The following DNAJB1 variants were observed in gnomAD, a reference collection of about 807,000 sequenced individuals.
DNAJB1 encodes dnaJ homolog subfamily B member 1.
Under a neutral mutation model 24.0 loss-of-function variants are expected in DNAJB1, and 14 were observed. The ratio of observed to expected loss-of-function variants is 0.58; its 90% confidence interval spans 0.39 to 0.91. The LOEUF is 0.91. Among genes scored for constraint, DNAJB1 ranks in the 40% least tolerant of loss-of-function variants. The pLI is 0.00. For missense variants in DNAJB1, 517 were observed against 458.1 expected (o/e 1.13, Z -1.17); for synonymous variants, 262 against 174.4 (o/e 1.50, Z -3.96).
At chr19:14,535,265 TGGGAGGCCGA>T (rs945194492) in intron 1 of DNAJB1, among the ~76,000 whole-genome samples, 2 of 151,384 alleles carry the variant, frequency 1.3e-5, no homozygotes, top group African/African-American at 4.9e-5. Flanking sequence ...CCCAGCACTT[TGGGAGGCCGA>T]GGTGGGTGAA....
intron 1 of DNAJB1, among the ~76,000 whole-genome samples, chr19:14,537,494 G>A (rs1450520498): frequency 6.6e-6 from 1 of 152,106 alleles, no homozygotes; most frequent in Admixed American, 6.6e-5. Flanking sequence ...TGCTTGGAAA[G>A]GCCTTGCGAC....
chr19:14,551,500 C>G (rs1003743691), upstream of DNAJB1, among the ~76,000 whole-genome samples: 1 of 152,166 alleles, frequency 6.6e-6, no homozygotes, highest in African/African-American at 2.4e-5. Context: ...GTTGGAGAAG[C>G]AGACAGGCAA....
chr19:14,524,427 G>A (rs932115705), intron 2 of DNAJB1, among the ~76,000 whole-genome samples: 6 of 152,130 alleles, frequency 3.9e-5, no homozygotes, highest in Admixed American at 6.6e-5. Context: ...GGAGGCTGAG[G>A]TGGGAGGATC....
chr19:14,543,401 ATATATATATATATATATATTTTTTTTTT>A (rs1398415920), intron 1 of DNAJB1, among the ~76,000 whole-genome samples: 79 of 7,450 alleles, frequency 0.011, no homozygotes, highest in African/African-American at 0.03. Context: ...ATATATATAT[ATATATATATATATATATATTTTTTTTTT>A]TTTTTTTTTT....
upstream of DNAJB1, chr19:14,530,138 C>G: frequency 4.4e-6 from 1 of 226,670 alleles, no homozygotes; most frequent in South Asian, 5.3e-5. Flanking sequence ...TTGTGTACGA[C>G]CTTTGGACCC....
chr19:14,550,081 T>C (rs1254062497), intron 1 of DNAJB1, among the ~76,000 whole-genome samples: 1 of 152,100 alleles, frequency 6.6e-6, no homozygotes, highest in East Asian at 1.9e-4. Flanking sequence ...TCATTGTCAC[T>C]CTTTCTTTGC....
At chr19:14,550,136 T>G (rs962505161) in intron 1 of DNAJB1, among the ~76,000 whole-genome samples, 3 of 152,018 alleles carry the variant, frequency 2.0e-5, no homozygotes, top group Non-Finnish European at 4.4e-5. Flanking sequence ...TCTCTCCTTC[T>G]ATAGCTGAAC....
In DNAJB1 at chr19:14,515,921, C is replaced by G; in HGVS notation, c.*19G>C. ...AGCTCTGGAAAGGTCCCTGGTCAGT[C>G]CTTGGGGAGCTCAGATAGCTATATT... On this transcript the variant is annotated 3_prime_UTR_variant, in exon 3 of 3. Coordinates refer to ENST00000254322, the MANE Select transcript of DNAJB1 (RefSeq NM_006145.3). 6.2e-7 allele frequency: 1 copy of G among 1,606,630 alleles called. No homozygotes were observed. The highest frequency in any genetic ancestry group is 8.5e-7 in the Non-Finnish European group (1 of 1,178,006).
chr19:14,533,264 T>C (rs1356909952), upstream of DNAJB1, among the ~76,000 whole-genome samples: 2 of 151,178 alleles, frequency 1.3e-5, no homozygotes, highest in Admixed American at 6.6e-5. Context: ...CTACAAAAAA[T>C]AAAAAATTAG....
Position 14,516,809 on chromosome 19 carries a change from C to A in DNAJB1, c.449G>T (p.Arg150Leu), listed in dbSNP as rs142178968. ...GFTNVNFGRSRSAQEPARKKQ... is the reference protein window; with the variant it reads ...GFTNVNFGRSLSAQEPARKKQ... ...CTTTCGGGCGGGCTCTTGGGCAGAG[C>A]GGGAGCGGCCAAAGTTCACGTTGGT... Residue 150 changes from arginine (R) to leucine (L), a missense_variant, in exon 2 of 3, where the codon CGC becomes CTC. Transcript: ENST00000254322. The A allele has an allele frequency of 6.2e-7, 1 of 1,613,596 alleles. No homozygotes were observed. The highest frequency in any genetic ancestry group is 1.3e-5 in the African/African-American group (1 of 74,884).
chr19:14,534,235 C>G (rs1275315417), upstream of DNAJB1, among the ~76,000 whole-genome samples: 2 of 151,674 alleles, frequency 1.3e-5, no homozygotes, highest in Non-Finnish European at 2.9e-5. Context: ...CGCCATTCTC[C>G]TGCCTCAGCC....
At chr19:14,518,568 G>A (rs1254089343), upstream of DNAJB1, 4 of 357,498 alleles carry the variant, frequency 1.1e-5, no homozygotes, top group Admixed American at 5.0e-5. Context: ...ACGGCCGCCC[G>A]CGCGGGGCCA....
chr19:14,516,043 G>A lies in DNAJB1; in HGVS notation c.920C>T (p.Thr307Ile). The A allele has an allele frequency of 6.2e-7, 1 of 1,613,236 alleles. No homozygotes were observed. The highest frequency in any genetic ancestry group is 8.5e-7 in the Non-Finnish European group (1 of 1,179,724). The change falls in exon 3 of 3, where the codon ACA (threonine) becomes ATA (isoleucine). Residue 307 changes from threonine to isoleucine, a missense_variant. By Grantham distance (89) the Thr-to-Ile change is moderately conservative. Coordinates refer to ENST00000254322, the MANE Select transcript of DNAJB1 (RefSeq NM_006145.3). ...AATGAGGTCCCCACGTTTCTCGGGT[G>A]TTTTGGGGAGGGGGAGGCCTTCTCC... ...VPGEGLPLPK[T>I]PEKRGDLIIE... is the part of the protein sequence containing the mutation.
At chr19:14,522,143 C>T (rs979683754), upstream of DNAJB1, among the ~76,000 whole-genome samples, 11 of 152,126 alleles carry the variant, frequency 7.2e-5, no homozygotes, top group Admixed American at 5.2e-4. Context: ...GTTGTGTCAG[C>T]GTGGCTAAGC....
At chr19:14,540,655 G>A (rs936359099) in intron 1 of DNAJB1, among the ~76,000 whole-genome samples, 1 of 151,972 alleles carries the variant, frequency 6.6e-6, no homozygotes, top group African/African-American at 2.4e-5. Context: ...GCCTCCCAAA[G>A]TGCTGGGATT....
chr19:14,529,201 G>A, intron 1 of DNAJB1: 1 of 240,964 alleles, frequency 4.2e-6, no homozygotes, highest in Non-Finnish European at 8.6e-6. Flanking sequence ...TACCCCGGGG[G>A]CCGCCCACCT....
upstream of DNAJB1, chr19:14,529,780 CG>C: frequency 1.2e-6 from 2 of 1,607,190 alleles, no homozygotes; most frequent in Non-Finnish European, 1.7e-6. Context: ...TGCGGGACCA[CG>C]GGACCCCACT....
rs563137112 is a variant in DNAJB1 at position 14,545,870 on chromosome 19, A to G, written c.-214+4338T>C. 2.6e-5 allele frequency: 4 copies of G among 152,876 alleles called. No homozygotes were observed. The East Asian group carries it at 5.8e-4, about 22-fold the overall frequency. The allele number at this position is 152,876 out of a possible 1,614,324, so 9.5% of individuals were successfully genotyped here. ...CTGCTGTCCCCGAGGAGCATCGGAA[A>G]TGGGTCACAACGCAGCAGGTAACCG... On this transcript the variant is annotated intron_variant, in intron 1 of 3. Coordinates refer to the DNAJB1 transcript ENST00000676982.
upstream of DNAJB1, chr19:14,529,369 C>A: frequency 3.9e-6 from 2 of 518,864 alleles, no homozygotes; most frequent in South Asian, 2.1e-5. Flanking sequence ...GGGGCAGAGA[C>A]CTCCTTTGGA....
Sources: allele counts gnomAD v4.1 joint callset (sites outside exome capture counted in the v4.1 genomes callset), GRCh38; gene constraint gnomAD v4.1.1; transcripts MANE v1.5; gene names NCBI Gene and HGNC (gene_info 2026-07-23, HGNC 2026-07-21).